CSPP1: variants seen among roughly 807,000 people sequenced by gnomAD.
CSPP1 encodes the protein centrosome and spindle pole associated protein 1.
CSPP1 carries 126 observed loss-of-function variants against 164.4 expected under a neutral mutation model. The observed-to-expected ratio is 0.77, with a 90% confidence interval of 0.66 to 0.89. The LOEUF (loss-of-function observed/expected upper bound fraction) is 0.89, where lower values mean the gene tolerates loss of function less well. Among genes scored for constraint, CSPP1 ranks in the 40% least tolerant of loss-of-function variants. CSPP1 has a pLI of 0.00. For synonymous variants in CSPP1, 472 were observed against 476.7 expected (o/e 0.99, Z 0.13); for missense variants, 1,395 against 1,449.8 (o/e 0.96, Z 0.61).
At chr8:67,093,474 A>T (rs1812048337) in intron 5 of CSPP1, 69 bp from the exon 6 acceptor site, 2 of 881,036 alleles carry the variant, frequency 2.3e-6, no homozygotes, top group Non-Finnish European at 3.7e-6. Context: ...TGACATTCTG[A>T]TAGGACATTG....
intron 25 of CSPP1, chr8:67,173,669 G>A (rs558579876): frequency 6.6e-6 from 1 of 151,840 alleles, no homozygotes; most frequent in African/African-American, 2.4e-5. Context: ...GAAAAAAAAA[G>A]ATAAATTGTG....
rs958037677 is a variant in CSPP1, at chr8:67,159,220, GA to G, written c.2538+84del. The G allele has an allele frequency of 6.3e-6, 8 of 1,277,000 alleles. No individual in the cohort carries two copies. In the African/African-American group the frequency reaches 9.0e-5, roughly 14 times the overall value. The allele number at this position is 1,277,000 out of a possible 1,614,324, so 79.1% of individuals were successfully genotyped here. A position where few individuals can be genotyped will look rare whatever the true frequency, so the allele number is the denominator to read the frequency against. On this transcript the variant is annotated intron_variant, in intron 21 of 30. Coordinates refer to ENST00000678616, the MANE Select transcript of CSPP1 (RefSeq NM_001382391.1). ...GAGTTGTACAGTTGTTAGAAAAGGG[GA>G]GAAAGAGGAGGAGGTGCTTTTGTTC...
chr8:67,070,418 G>A lies in CSPP1; in HGVS notation c.-10-3825G>A, dbSNP rs576988137. 3.0e-3 allele frequency among the ~76,000 whole-genome samples: 442 copies of A among 149,412 alleles called. 3 individuals are homozygous for A. Among genetic ancestry groups the A allele is most frequent in the Non-Finnish European group, 5.6e-3 (377 of 67,574 alleles). On this transcript the variant is annotated intron_variant, in intron 1 of 30. Transcript: ENST00000678616. ...GTGGAGCTTGCAGTGAGCCGAGATC[G>A]CGCCACTGCACTCCAGCCTAGGTGA...
At chr8:67,135,414 G>A (rs181840713) in intron 16 of CSPP1, 1 of 152,178 alleles carries the variant, frequency 6.6e-6, no homozygotes, top group African/African-American at 2.4e-5. Flanking sequence ...CGCCCACCTT[G>A]GCCTCCCAAA....
intron 24 of CSPP1, among the ~76,000 whole-genome samples, 178 bp downstream of exon 24, chr8:67,164,686 G>A (rs1471976108): frequency 1.3e-5 from 2 of 152,190 alleles, no homozygotes; most frequent in East Asian, 3.8e-4. Flanking sequence ...GGGGATTCAT[G>A]TAGGAATGGA....
intron 8 of CSPP1, among the ~76,000 whole-genome samples, chr8:67,104,643 TTTC>T (rs982391665): frequency 1.3e-5 from 2 of 151,744 alleles, no homozygotes; most frequent in African/African-American, 2.4e-5. Context: ...TCTTTTTCTT[TTTC>T]TTCTTTTTTG....
At chr8:67,184,741 A>T (rs1412854985) in intron 28 of CSPP1, among the ~76,000 whole-genome samples, 3,008 of 143,592 alleles carry the variant, frequency 0.021, 71 homozygotes, top group South Asian at 0.046. Context: ...AATAATAAAA[A>T]AATATAATAA....
intron 19 of CSPP1, among the ~76,000 whole-genome samples, chr8:67,156,179 T>C (rs1228782179): frequency 6.6e-6 from 1 of 152,240 alleles, no homozygotes; most frequent in Non-Finnish European, 1.5e-5. Context: ...TAGTGTCTCA[T>C]CAAACCTCAG....
chr8:67,064,549 G>A lies in CSPP1; in HGVS notation c.-11+11G>A. 2 of 1,598,390 alleles carry A rather than the reference G, an allele frequency of 1.3e-6. No individual in the cohort carries two copies. Among genetic ancestry groups the A allele is most frequent in the Non-Finnish European group, 1.7e-6 (2 of 1,174,206 alleles). On this transcript the variant is annotated intron_variant, in intron 1 of 30. Coordinates refer to ENST00000678616, the MANE Select transcript of CSPP1 (RefSeq NM_001382391.1). ...AGCGTGAGTGGCGAGGTGTGGCCTGGGGTGGTGTAGGTTGAGGGTGGAGGG... is the reference window on the plus strand; with the variant it reads ...AGCGTGAGTGGCGAGGTGTGGCCTGAGGTGGTGTAGGTTGAGGGTGGAGGG...
chr8:67,146,559 T>C (rs1254912107), intron 17 of CSPP1, among the ~76,000 whole-genome samples: 1 of 152,220 alleles, frequency 6.6e-6, no homozygotes, highest in East Asian at 1.9e-4. Flanking sequence ...GTATTGTTAG[T>C]AGTGCTAGGG....
chr8:67,065,448 C>G (rs144602517), intron 1 of CSPP1: 1 of 695,960 alleles, frequency 1.4e-6, no homozygotes, highest in Non-Finnish European at 1.8e-6. Context: ...TAAAAGCAAC[C>G]GATAGGAATT....
intron 28 of CSPP1, 69 bp downstream of exon 28, chr8:67,179,995 G>T: frequency 1.2e-6 from 1 of 822,888 alleles, no homozygotes; most frequent in Non-Finnish European, 2.0e-6. Context: ...TTAAAAACCA[G>T]TACTGTATTC....
intron 28 of CSPP1, among the ~76,000 whole-genome samples, chr8:67,182,509 G>A (rs1412281026): frequency 1.3e-5 from 2 of 152,190 alleles, no homozygotes; most frequent in African/African-American, 4.8e-5. Context: ...CTAAGAGATA[G>A]CATTTGCTAG....
chr8:67,103,623 A>C (rs1452432901), intron 8 of CSPP1, among the ~76,000 whole-genome samples: 1 of 151,470 alleles, frequency 6.6e-6, no homozygotes, highest in Non-Finnish European at 1.5e-5. Flanking sequence ...AACATGGTGA[A>C]ACCCAGTCTC....
rs200346372 is a variant in CSPP1 at position 67,193,563 on chromosome 8, C to A, written c.3430C>A (p.Arg1144=). 8 of 1,613,352 alleles carry A rather than the reference C, an allele frequency of 5.0e-6. No homozygotes were observed. Among genetic ancestry groups the A allele is most frequent in the South Asian group, 1.1e-5 (1 of 91,052 alleles). Residue 1144 remains arginine (R), a synonymous_variant, in exon 30 of 31, where the codon CGA becomes AGA. Coordinates refer to ENST00000678616, the MANE Select transcript of CSPP1 (RefSeq NM_001382391.1). ...ELRVRNEERM[R]RLNEFHNKPI... ...TAGAGTGAGAAATGAGGAACGAATG[C>A]GAAGACTGAATGAATTTCACAATAA... is the stretch of plus-strand genomic sequence containing the variant.
chr8:67,184,133 G>A (rs970894886), intron 28 of CSPP1, among the ~76,000 whole-genome samples: 4 of 152,142 alleles, frequency 2.6e-5, no homozygotes, highest in African/African-American at 7.2e-5. Flanking sequence ...GATTATAGGC[G>A]TGAGCCACTG....
intron 12 of CSPP1, among the ~76,000 whole-genome samples, chr8:67,115,533 G>C (rs149900542): frequency 6.6e-6 from 1 of 152,066 alleles, no homozygotes; most frequent in African/African-American, 2.4e-5. Flanking sequence ...TTAGCTGTGC[G>C]TGGTGGCAGG....
At chr8:67,146,034 A>C (rs1449795753) in intron 17 of CSPP1, among the ~76,000 whole-genome samples, 1 of 151,980 alleles carries the variant, frequency 6.6e-6, no homozygotes, top group Non-Finnish European at 1.5e-5. Flanking sequence ...GTGGACTTAA[A>C]AATTTTCCAA....
chr8:67,188,625 G>A (rs1215844123), intron 28 of CSPP1, among the ~76,000 whole-genome samples: 1 of 152,176 alleles, frequency 6.6e-6, no homozygotes, highest in Non-Finnish European at 1.5e-5. Context: ...GTCCATGTTT[G>A]TTACGGCTCG....
Sources: gnomAD v4.1 joint callset for allele counts (sites outside exome capture counted in the v4.1 genomes callset) on GRCh38, gnomAD v4.1.1 for gene constraint, MANE v1.5 for transcripts, NCBI Gene and HGNC (gene_info 2026-07-23, HGNC 2026-07-21) for gene names.